CPEB1: variants seen among roughly 807,000 people sequenced by gnomAD.
The protein encoded by CPEB1 is cytoplasmic polyadenylation element binding protein 1, also known as cytoplasmic polyadenylation element-binding protein 1.
Under a neutral mutation model 65.8 loss-of-function variants are expected in CPEB1, and 7 were observed. The observed-to-expected ratio is 0.11, with a 90% CI of 0.06 to 0.20. The LOEUF is 0.20. Among genes scored for constraint, CPEB1 ranks in the 10% least tolerant of loss-of-function variants. The pLI, the probability that CPEB1 is intolerant of heterozygous loss-of-function variation, is 1.00. For missense variants in CPEB1, 551 were observed against 712.2 expected (o/e 0.77, Z 2.58); for synonymous variants, 262 against 260.0 (o/e 1.01, Z -0.08).
chr15:82,621,912 G>T (rs2045337809), intron 3 of CPEB1, among the ~76,000 whole-genome samples: 1 of 152,086 alleles, frequency 6.6e-6, no homozygotes, highest in Non-Finnish European at 1.5e-5. Flanking sequence ...TTGAGAAATG[G>T]CATCTCAGTG....
chr15:82,610,755 G>A (rs783520), intron 3 of CPEB1, among the ~76,000 whole-genome samples: 103,184 of 151,046 alleles, frequency 0.68, 36,014 homozygotes, highest in African/African-American at 0.83. Context: ...GTCAGGAGTT[G>A]GAGTCCAGGC....
chr15:82,607,076 A>C (rs546002866), intron 3 of CPEB1, among the ~76,000 whole-genome samples: 1 of 152,324 alleles, frequency 6.6e-6, no homozygotes, highest in Admixed American at 6.5e-5. Context: ...ACTAGAAAAT[A>C]TCTTAACACA....
At chr15:82,625,657 T>G (rs910682150) in intron 3 of CPEB1, among the ~76,000 whole-genome samples, 1 of 152,164 alleles carries the variant, frequency 6.6e-6, no homozygotes, top group Non-Finnish European at 1.5e-5. Flanking sequence ...TACCACATTT[T>G]CCAGCTTTGG....
intron 1 of CPEB1, among the ~76,000 whole-genome samples, chr15:82,634,852 CTTTA>C (rs1271233083): frequency 6.6e-6 from 1 of 152,058 alleles, no homozygotes; most frequent in Non-Finnish European, 1.5e-5. Context: ...GGCAATTTGC[CTTTA>C]TTTTTCTATT....
chr15:82,548,850 A>T (rs1357107913), intron 10 of CPEB1: 1 of 347,342 alleles, frequency 2.9e-6, no homozygotes, highest in African/African-American at 2.2e-5. Context: ...GGTTAGCCAC[A>T]TGTTAATCAC....
intron 3 of CPEB1, among the ~76,000 whole-genome samples, chr15:82,589,720 C>T (rs2042068532): frequency 6.7e-6 from 1 of 150,208 alleles, no homozygotes; most frequent in Non-Finnish European, 1.5e-5. Context: ...GACTCCAACT[C>T]CAAAAAAAAA....
chr15:82,544,272 G>GTT lies in CPEB1; in HGVS notation c.*318_*319dup, dbSNP rs35946080. ...TACCTCAATACCTTCTGGACACGTAGTTTTTTTTTTTTTTTTTTTTTTCCC... is the reference window on the plus strand; with the variant it reads ...TACCTCAATACCTTCTGGACACGTAGTTTTTTTTTTTTTTTTTTTTTTTTCCC... On this transcript the variant is annotated 3_prime_UTR_variant, in exon 13 of 13. Coordinates refer to ENST00000684509, the MANE Select transcript of CPEB1 (RefSeq NM_001365242.1). The GTT allele has an allele frequency of 0.029, 3,746 of 130,866 alleles. 56 individuals carry two copies. The highest frequency in any genetic ancestry group is 0.04 in the African/African-American group (1,241 of 31,262). The allele number at this position is 130,866 out of a possible 1,614,324, so 8.1% of individuals were successfully genotyped here.
chr15:82,580,216 G>A (rs2041135837), intron 3 of CPEB1, among the ~76,000 whole-genome samples: 1 of 151,404 alleles, frequency 6.6e-6, no homozygotes, highest in African/African-American at 2.4e-5. Context: ...AGTTGCTCGA[G>A]AGGCTGAGGC....
upstream of CPEB1, chr15:82,648,218 A>T (rs1205048118): frequency 1.1e-5 from 3 of 265,400 alleles, no homozygotes; most frequent in Non-Finnish European, 2.1e-5. Context: ...GCGCGCCATC[A>T]CCTAAGTGAC....
chr15:82,573,142 T>G, intron 3 of CPEB1: 1 of 1,535,268 alleles, frequency 6.5e-7, no homozygotes, highest in South Asian at 1.2e-5. Context: ...GCCACAGAAA[T>G]AGCTGTTCAG....
intron 3 of CPEB1, among the ~76,000 whole-genome samples, chr15:82,580,985 G>A (rs1418482232): frequency 1.3e-5 from 2 of 151,944 alleles, no homozygotes; most frequent in African/African-American, 4.8e-5. Flanking sequence ...TAAAGTAGAT[G>A]GGACCACAGG....
intron 1 of CPEB1, among the ~76,000 whole-genome samples, chr15:82,637,134 G>C (rs1476374568): frequency 6.6e-6 from 1 of 152,112 alleles, no homozygotes; most frequent in East Asian, 1.9e-4. Flanking sequence ...CCATTAACTA[G>C]GGAACTTTGA....
chr15:82,612,515 A>C (rs961231838), intron 3 of CPEB1, among the ~76,000 whole-genome samples: 1 of 151,594 alleles, frequency 6.6e-6, no homozygotes, highest in Admixed American at 6.6e-5. Context: ...AAAACAAAAA[A>C]AAAAACACAG....
chr15:82,622,545 T>A (rs2045394108), intron 3 of CPEB1, among the ~76,000 whole-genome samples: 2 of 151,940 alleles, frequency 1.3e-5, no homozygotes, highest in African/African-American at 4.8e-5. Flanking sequence ...GCACGCACCA[T>A]CATGCCCGGT....
intron 1 of CPEB1, chr15:82,629,858 C>T: frequency 1.0e-6 from 1 of 985,426 alleles, no homozygotes; most frequent in South Asian, 4.7e-5. Context: ...ACCAACTCTG[C>T]AGGATGACCT....
At position 82,544,531 on chromosome 15, in the gene CPEB1, A is replaced by C; in HGVS notation, c.*61T>G. ...CTGGTCGCCAGTGGCAGGGTGGTGC[A>C]GGCTGCTTGCCTGACCTGCCAGCTT... On this transcript the variant is annotated 3_prime_UTR_variant, in exon 13 of 13. Coordinates refer to ENST00000684509, the MANE Select transcript of CPEB1 (RefSeq NM_001365242.1). 7.7e-7 allele frequency: 1 copy of C among 1,301,770 alleles called. No homozygotes were observed. The highest frequency in any genetic ancestry group is 1.1e-6 in the Non-Finnish European group (1 of 915,222). 80.6% of individuals were successfully genotyped at this position (1,301,770 alleles called of 1,614,324 possible).
intron 4 of CPEB1, among the ~76,000 whole-genome samples, chr15:82,563,883 C>T (rs1277585134): frequency 6.6e-6 from 1 of 151,666 alleles, no homozygotes; most frequent in African/African-American, 2.4e-5. Flanking sequence ...GCTTTCTTTG[C>T]CTCTTTCAAG....
chr15:82,647,673 C>A (rs1413973242), upstream of CPEB1: 1 of 398,660 alleles, frequency 2.5e-6, no homozygotes, highest in Admixed American at 4.8e-5. Context: ...CTCCCTGCCC[C>A]CCTCGCCCTC....
At chr15:82,573,916 C>T (rs1031349576) in intron 3 of CPEB1, among the ~76,000 whole-genome samples, 1 of 152,120 alleles carries the variant, frequency 6.6e-6, no homozygotes, top group African/African-American at 2.4e-5. Flanking sequence ...GCAGTGAAAG[C>T]CATGACTGCA....
Sources: gnomAD v4.1 joint callset for allele counts (sites outside exome capture counted in the v4.1 genomes callset) on GRCh38, gnomAD v4.1.1 for gene constraint, MANE v1.5 for transcripts, NCBI Gene and HGNC (gene_info 2026-07-23, HGNC 2026-07-21) for gene names.